TBC1D22B: variants seen among roughly 807,000 people sequenced by gnomAD.
The protein encoded by TBC1D22B is TBC1 domain family member 22B.
Under a neutral mutation model 69.1 loss-of-function variants are expected in TBC1D22B, and 32 were observed. The ratio of observed to expected loss-of-function variants is 0.46; its 90% CI spans 0.35 to 0.62. TBC1D22B has a LOEUF of 0.62. TBC1D22B is among the 20% of genes least tolerant of loss of function. The pLI, the probability that TBC1D22B is intolerant of heterozygous loss-of-function variation, is 0.00. For missense variants in TBC1D22B, 462 were observed against 630.9 expected (o/e 0.73, Z 2.87); for synonymous variants, 206 against 229.8 (o/e 0.90, Z 0.94).
Position 37,317,162 on chromosome 6 carries a change from T to A in TBC1D22B, c.1345T>A (p.Leu449Met). 1.3e-6 allele frequency: 2 copies of A among 1,579,476 alleles called. No homozygotes were observed. The highest frequency in any genetic ancestry group is 1.7e-6 in the Non-Finnish European group (2 of 1,160,332). ...HFHLYVCAAF[L>M]IKWRKEILDE... ...TCATCTCTACGTGTGTGCAGCCTTC[T>A]TGATCAAGTGGAGGAAAGAGATCTT... Residue 449 changes from leucine (L) to methionine (M), a missense_variant, in exon 12 of 13, where the codon TTG becomes ATG. Coordinates refer to ENST00000373491, the MANE Select transcript of TBC1D22B (RefSeq NM_017772.4).
chr6:37,302,661 G>T (rs188364469), intron 8 of TBC1D22B, among the ~76,000 whole-genome samples: 2 of 152,102 alleles, frequency 1.3e-5, no homozygotes, highest in African/African-American at 2.4e-5. Context: ...GATTTTCACC[G>T]TAGATTTTAC....
intron 1 of TBC1D22B, chr6:37,258,214 G>T: frequency 1.8e-6 from 1 of 546,748 alleles, no homozygotes. Flanking sequence ...TGACCTCAGC[G>T]GGAAGGTGGC....
intron 8 of TBC1D22B, among the ~76,000 whole-genome samples, chr6:37,301,959 G>A (rs1581611202): frequency 6.6e-6 from 1 of 152,232 alleles, no homozygotes; most frequent in South Asian, 2.1e-4. Context: ...CCATCTCACT[G>A]AATCATAGCA....
At position 37,331,138 on chromosome 6, in the gene TBC1D22B, T is replaced by A. The variant is rs780287004; in HGVS notation, c.1484T>A (p.Met495Lys). ...GCCGAGGCATACAGACTCAAGTACA[T>A]GTTTGCCGATGCCCCAAATCACTAC... ...LLAEAYRLKY[M>K]FADAPNHYRR is the part of the protein sequence containing the mutation. The change falls in exon 13 of 13, where the codon ATG (methionine) becomes AAG (lysine). Residue 495 changes from methionine (M) to lysine (K), a missense_variant. Met to Lys is a moderately conservative substitution (Grantham distance 95, BLOSUM62 -1). This residue lies in a region of TBC1D22B where 225 missense variants were observed against 375.4 expected (regional missense o/e 0.60). Transcript: ENST00000373491. The A allele has an allele frequency of 6.2e-7, 1 of 1,614,132 alleles. No homozygotes were observed. Among genetic ancestry groups the A allele is most frequent in the South Asian group, 1.1e-5 (1 of 91,074 alleles).
intron 10 of TBC1D22B, among the ~76,000 whole-genome samples, chr6:37,316,209 A>C (rs1768071991): frequency 6.6e-6 from 1 of 152,236 alleles, no homozygotes; most frequent in South Asian, 2.1e-4. Context: ...ATCACTTCAT[A>C]CATCAGTGGA....
intron 8 of TBC1D22B, among the ~76,000 whole-genome samples, chr6:37,298,735 CG>C (rs1454437318): frequency 6.6e-6 from 1 of 151,690 alleles, no homozygotes; most frequent in Non-Finnish European, 1.5e-5. Context: ...TTAGGAAAGA[CG>C]GGGTTTCACC....
At position 37,279,409 on chromosome 6, in the gene TBC1D22B, C is replaced by A. The variant is rs11548070; in HGVS notation, c.219C>A (p.Gly73=). 6.2e-7 allele frequency: 1 copy of A among 1,614,026 alleles called. No individual in the cohort carries two copies. Among genetic ancestry groups the A allele is most frequent in the Non-Finnish European group, 8.5e-7 (1 of 1,180,032 alleles). The part of the protein sequence containing the change: ...ARNTSDAWDI[G]DDEEEDFSSP... ...ATACCAGTGATGCTTGGGACATTGG[C>A]GATGATGAGGAAGAGGACTTTTCCT... Residue 73 remains glycine (G), a synonymous_variant, in exon 3 of 13, where the codon GGC becomes GGA. Coordinates refer to ENST00000373491, the MANE Select transcript of TBC1D22B (RefSeq NM_017772.4).
At chr6:37,278,831 G>T (rs1344696580) in intron 2 of TBC1D22B, among the ~76,000 whole-genome samples, 1 of 152,054 alleles carries the variant, frequency 6.6e-6, no homozygotes, top group East Asian at 1.9e-4. Context: ...TACTCAAGAG[G>T]CTGTGGTGGG....
At chr6:37,316,525 G>T (rs1223759162) in intron 10 of TBC1D22B, among the ~76,000 whole-genome samples, 178 bp from the exon 11 acceptor site, 1 of 152,200 alleles carries the variant, frequency 6.6e-6, no homozygotes, top group African/African-American at 2.4e-5. Context: ...TAACCATGCA[G>T]TGTTGCTGTG....
At chr6:37,320,663 G>A (rs1427977443) in intron 12 of TBC1D22B, among the ~76,000 whole-genome samples, 1 of 152,160 alleles carries the variant, frequency 6.6e-6, no homozygotes, top group Middle Eastern at 3.2e-3. Flanking sequence ...TCCCAGCTGC[G>A]ACAAAAGCCC....
Position 37,279,631 on chromosome 6 carries a change from T to C in TBC1D22B, c.421+20T>C. The C allele has an allele frequency of 6.3e-7, 1 of 1,583,770 alleles. No individual in the cohort carries two copies. The highest frequency in any genetic ancestry group is 8.6e-7 in the Non-Finnish European group (1 of 1,165,108). On this transcript the variant is annotated intron_variant, in intron 3 of 12. Transcript: ENST00000373491. ...ACTCTAGTAAGTCCTTCCTGCTCCC[T>C]TCATAGCCTCAGCCTTCTCAGCAGC...
chr6:37,279,719 G>A lies in TBC1D22B; in HGVS notation c.421+108G>A, dbSNP rs370550406. The A allele has an allele frequency of 2.9e-4, 348 of 1,207,108 alleles. 7 individuals are homozygous for A. The South Asian group carries it at 4.9e-3, about 17-fold the overall frequency. The allele number at this position is 1,207,108 out of a possible 1,614,324, so 74.8% of individuals were successfully genotyped here. A position where few individuals can be genotyped will look rare whatever the true frequency, so the allele number is the denominator to read the frequency against. On this transcript the variant is annotated intron_variant, in intron 3 of 12. Transcript: ENST00000373491. Reference sequence around the variant, plus strand: ...CACTCAGGTAGATATTCAACTGGGCGGTAAATAAACTCAAGCCTGAGATGT... The same window carrying A: ...CACTCAGGTAGATATTCAACTGGGCAGTAAATAAACTCAAGCCTGAGATGT...
intron 2 of TBC1D22B, among the ~76,000 whole-genome samples, chr6:37,276,318 C>T (rs755778459): frequency 2.0e-4 from 30 of 152,238 alleles, no homozygotes; most frequent in Middle Eastern, 6.8e-3. Context: ...TCCTCAGACT[C>T]TTCCCCTTTT....
At chr6:37,330,392 C>G (rs1490804019) in intron 12 of TBC1D22B, among the ~76,000 whole-genome samples, 2 of 152,006 alleles carry the variant, frequency 1.3e-5, no homozygotes, top group Non-Finnish European at 2.9e-5. Flanking sequence ...GCGTGTGCTA[C>G]CTTGCCTGGC....
At chr6:37,303,443 GCTT>G (rs1222595147) in intron 8 of TBC1D22B, among the ~76,000 whole-genome samples, 4 of 152,052 alleles carry the variant, frequency 2.6e-5, no homozygotes, top group African/African-American at 9.7e-5. Context: ...TTCTTAATCT[GCTT>G]CTTCTTCATT....
intron 12 of TBC1D22B, among the ~76,000 whole-genome samples, chr6:37,323,345 T>C (rs1247341710): frequency 6.6e-6 from 1 of 151,936 alleles, no homozygotes; most frequent in Non-Finnish European, 1.5e-5. Context: ...CTGGGCAACA[T>C]AGGGAGACCC....
At chr6:37,307,148 C>T (rs1479989137) in intron 8 of TBC1D22B, among the ~76,000 whole-genome samples, 2 of 152,182 alleles carry the variant, frequency 1.3e-5, no homozygotes, top group Non-Finnish European at 2.9e-5. Context: ...TAACACCCAA[C>T]AATACGTTTA....
At chr6:37,276,345 C>T (rs1398060646) in intron 2 of TBC1D22B, among the ~76,000 whole-genome samples, 1 of 152,102 alleles carries the variant, frequency 6.6e-6, no homozygotes, top group Non-Finnish European at 1.5e-5. Flanking sequence ...GAAACCAACC[C>T]CTTCCTCCAC....
intron 6 of TBC1D22B, among the ~76,000 whole-genome samples, chr6:37,286,132 A>T (rs891083287): frequency 6.6e-6 from 1 of 152,076 alleles, no homozygotes; most frequent in Non-Finnish European, 1.5e-5. Flanking sequence ...AAAAACCCTT[A>T]ATCTGTGAAG....
Sources: gnomAD v4.1 joint callset for allele counts (sites outside exome capture counted in the v4.1 genomes callset) on GRCh38, gnomAD v4.1.1 for gene constraint, gnomAD v4.1.1 regional missense constraint, MANE v1.5 for transcripts, NCBI Gene and HGNC (gene_info 2026-07-23, HGNC 2026-07-21) for gene names.